The following HECW2 variants were observed in gnomAD, a reference collection of about 807,000 sequenced individuals.
HECW2 encodes the protein HECT, C2 and WW domain containing E3 ubiquitin protein ligase 2.
HECW2 carries 61 observed loss-of-function variants against 175.2 expected under a neutral mutation model. The ratio of observed to expected loss-of-function variants is 0.35; its 90% confidence interval spans 0.28 to 0.43. The LOEUF is 0.43. Ranked by LOEUF, HECW2 falls within the 20% of genes least tolerant of loss-of-function variation. The probability of loss-of-function intolerance (pLI) is 1.00; values close to 1 mark genes in which losing one functional copy is unlikely to be tolerated. For synonymous variants in HECW2, 671 were observed against 731.0 expected, an observed-to-expected ratio of 0.92 and a Z score of 1.32; for missense variants, 1,524 against 2,000.5, an observed-to-expected ratio of 0.76 and a Z score of 4.54.
chr2:196,531,462 C>A (rs1688836033), intron 1 of HECW2, among the ~76,000 whole-genome samples: 1 of 152,024 alleles, frequency 6.6e-6, no homozygotes. Context: ...TCGAGACCAG[C>A]CTGGCCAACA....
chr2:196,232,634 A>G (rs545365463), intron 21 of HECW2, among the ~76,000 whole-genome samples: 1 of 152,364 alleles, frequency 6.6e-6, no homozygotes, highest in South Asian at 2.1e-4. Flanking sequence ...AAACATTGTC[A>G]GAAATCATCA....
chr2:196,483,991 G>C (rs763037890), intron 1 of HECW2, among the ~76,000 whole-genome samples: 2 of 152,160 alleles, frequency 1.3e-5, no homozygotes, highest in Non-Finnish European at 2.9e-5. Flanking sequence ...GGTTAAAAAG[G>C]CAAGACAGAG....
chr2:196,379,288 T>G (rs1351493312), intron 2 of HECW2, among the ~76,000 whole-genome samples: 2 of 152,192 alleles, frequency 1.3e-5, no homozygotes, highest in South Asian at 4.1e-4. Flanking sequence ...ATTGGGAGTA[T>G]GAGAAGGACT....
intron 1 of HECW2, among the ~76,000 whole-genome samples, chr2:196,568,270 T>G (rs1690251391): frequency 6.6e-6 from 1 of 152,202 alleles, no homozygotes; most frequent in Non-Finnish European, 1.5e-5. Flanking sequence ...TGTATTCCCA[T>G]TATATGAAAT....
intron 17 of HECW2, among the ~76,000 whole-genome samples, chr2:196,268,751 T>A (rs1217670386): frequency 6.6e-6 from 1 of 152,156 alleles, no homozygotes; most frequent in Non-Finnish European, 1.5e-5. Context: ...GTGGCATGTG[T>A]TGGTTGGAAG....
At chr2:196,369,415 G>A (rs1693845897) in intron 2 of HECW2, among the ~76,000 whole-genome samples, 1 of 145,374 alleles carries the variant, frequency 6.9e-6, no homozygotes, top group South Asian at 2.2e-4. Flanking sequence ...AGAGAGGAAT[G>A]ACACATGGAC....
rs138233472 is a variant in HECW2 at position 196,335,078 on chromosome 2, A to T, written c.401-560T>A. Among the ~76,000 whole-genome samples, 203 of 152,304 alleles carry T rather than the reference A, an allele frequency of 1.3e-3. 4 individuals are homozygous for T. In the East Asian group the frequency reaches 0.033, roughly 25 times the overall value. On this transcript the variant is annotated intron_variant, in intron 3 of 28. Coordinates refer to ENST00000644978, the MANE Select transcript of HECW2 (RefSeq NM_001348768.2). ...AAAGCATGGAAGTATACTGTAGTAG[A>T]TTCTCTAGTGACAGGATCTGTAAAT...
intron 1 of HECW2, among the ~76,000 whole-genome samples, chr2:196,468,149 C>T (rs576631468): frequency 6.6e-6 from 1 of 152,314 alleles, no homozygotes; most frequent in South Asian, 2.1e-4. Flanking sequence ...CACATGCCAC[C>T]AAGCCCAGCT....
intron 2 of HECW2, among the ~76,000 whole-genome samples, chr2:196,356,477 CCCTT>C (rs1316679647): frequency 1.3e-5 from 2 of 152,150 alleles, no homozygotes; most frequent in African/African-American, 4.8e-5. Context: ...TTTGCATTGT[CCCTT>C]CCATCCCGCC....
At chr2:196,285,395 G>C (rs918402871) in intron 14 of HECW2, among the ~76,000 whole-genome samples, 1 of 152,112 alleles carries the variant, frequency 6.6e-6, no homozygotes, top group African/African-American at 2.4e-5. Context: ...CAGAACATCC[G>C]ATCTTCCATT....
At chr2:196,381,565 A>G (rs1694208119) in intron 2 of HECW2, among the ~76,000 whole-genome samples, 1 of 152,210 alleles carries the variant, frequency 6.6e-6, no homozygotes, top group South Asian at 2.1e-4. Context: ...TTATATTATA[A>G]TAAATAAAAG....
intron 15 of HECW2, among the ~76,000 whole-genome samples, chr2:196,277,980 G>C (rs1690023811): frequency 1.1e-5 from 1 of 90,882 alleles, no homozygotes; most frequent in Non-Finnish European, 2.2e-5. Flanking sequence ...GCCTGTTATG[G>C]GGTGGGGGGA....
chr2:196,249,339 A>G (rs1277511384), intron 19 of HECW2, among the ~76,000 whole-genome samples: 2 of 152,176 alleles, frequency 1.3e-5, no homozygotes, highest in Non-Finnish European at 2.9e-5. Flanking sequence ...AAACCTTCAC[A>G]TTCCAAAATT....
chr2:196,333,406 G>C (rs997867637), intron 4 of HECW2, among the ~76,000 whole-genome samples: 1 of 152,096 alleles, frequency 6.6e-6, no homozygotes, highest in African/African-American at 2.4e-5. Flanking sequence ...GACAGCATAG[G>C]GTGAGTCTGA....
intron 1 of HECW2, among the ~76,000 whole-genome samples, chr2:196,578,037 T>C (rs982082298): frequency 1.3e-5 from 2 of 152,078 alleles, no homozygotes; most frequent in Admixed American, 1.3e-4. Flanking sequence ...AAATCCTAGG[T>C]GTTGGACATA....
At chr2:196,221,052 G>A (rs1687647896) in intron 24 of HECW2, 111 bp from the exon 25 acceptor site, 3 of 1,159,384 alleles carry the variant, frequency 2.6e-6, no homozygotes, top group Non-Finnish European at 3.7e-6. Context: ...CCCTGCCCTA[G>A]GCACATCCCA....
Position 196,229,863 on chromosome 2 carries a change from A to G in HECW2, c.3765-1609T>C, listed in dbSNP as rs1687986110. Among the ~76,000 whole-genome samples the G allele has an allele frequency of 1.3e-5, 2 of 152,204 alleles. 1 individual carries two copies. The highest frequency in any genetic ancestry group is 2.9e-5 in the Non-Finnish European group (2 of 68,026). ...TAGAACTTTGTCTTACACAATCTTT[A>G]TAAAGTTTTGATGTGCTAGCTCTAT... On this transcript the variant is annotated intron_variant, in intron 21 of 28. Transcript: ENST00000644978.
chr2:196,461,917 C>T (rs906310578), intron 1 of HECW2, among the ~76,000 whole-genome samples: 5 of 152,110 alleles, frequency 3.3e-5, no homozygotes, highest in African/African-American at 9.7e-5. Context: ...GGGACACAGC[C>T]AAACCATATC....
intron 19 of HECW2, among the ~76,000 whole-genome samples, chr2:196,251,770 G>A (rs1311148020): frequency 1.3e-5 from 2 of 152,048 alleles, no homozygotes; most frequent in Non-Finnish European, 2.9e-5. Context: ...CTAATGCAAT[G>A]GCCTCTCTGA....
Sources: allele counts gnomAD v4.1 joint callset (sites outside exome capture counted in the v4.1 genomes callset), GRCh38; gene constraint gnomAD v4.1.1; transcripts MANE v1.5; gene names NCBI Gene and HGNC (gene_info 2026-07-23, HGNC 2026-07-21).